IGSF5: variants seen among roughly 807,000 people sequenced by gnomAD.
The protein encoded by IGSF5 is immunoglobulin superfamily member 5.
Under a neutral mutation model 39.4 loss-of-function variants are expected in IGSF5, and 41 were observed. The observed-to-expected ratio is 1.04, with a 90% CI of 0.81 to 1.35. IGSF5 has a LOEUF of 1.35. Ranked by LOEUF, IGSF5 falls within the 40% of genes most tolerant of loss-of-function variation. The pLI is 0.00. For missense variants in IGSF5, 487 were observed against 494.6 expected, an observed-to-expected ratio of 0.98 and a Z score of 0.15; for synonymous variants, 183 against 175.3, an observed-to-expected ratio of 1.04 and a Z score of -0.34.
chr21:39,766,431 C>T (rs890356595), intron 3 of IGSF5, among the ~76,000 whole-genome samples: 1 of 152,156 alleles, frequency 6.6e-6, no homozygotes, highest in Non-Finnish European at 1.5e-5. Context: ...CTATATTTCT[C>T]TGCTTGCATC....
chr21:39,735,893 C>T, the IGSF5 span, among the ~76,000 whole-genome samples: 1 of 152,196 alleles, frequency 6.6e-6, no homozygotes, highest in African/African-American at 2.4e-5. Flanking sequence ...GCAGCTCAGG[C>T]CCTATTAAAT....
At chr21:39,760,758 G>A (rs917309586) in intron 2 of IGSF5, among the ~76,000 whole-genome samples, 1 of 152,132 alleles carries the variant, frequency 6.6e-6, no homozygotes, top group African/African-American at 2.4e-5. Context: ...TTTGAGTAGA[G>A]ACGGGGTTTC....
intron 4 of IGSF5, among the ~76,000 whole-genome samples, chr21:39,774,380 G>A (rs796135192): frequency 5.3e-5 from 8 of 152,256 alleles, no homozygotes; most frequent in African/African-American, 1.9e-4. Flanking sequence ...CAAAGCATTT[G>A]TTTTCATTTC....
intron 2 of IGSF5, among the ~76,000 whole-genome samples, chr21:39,758,727 T>C (rs752316478): frequency 3.3e-5 from 5 of 152,184 alleles, no homozygotes; most frequent in Admixed American, 1.3e-4. Flanking sequence ...ATACTATACA[T>C]AGGGGTGCTG....
At chr21:39,734,518 T>TA in the IGSF5 span, among the ~76,000 whole-genome samples, 3 of 150,958 alleles carry the variant, frequency 2.0e-5, no homozygotes, top group African/African-American at 4.9e-5. Context: ...TTTGTTGCCC[T>TA]AAAAAATCCT....
At chr21:39,759,659 G>T (rs9305679) in intron 2 of IGSF5, among the ~76,000 whole-genome samples, 59,320 of 151,820 alleles carry the variant, frequency 0.39, 11,902 homozygotes, top group Admixed American at 0.52. Context: ...GAGGTCAGGA[G>T]ATTGAGACCA....
chr21:39,716,820 C>A, the IGSF5 span, among the ~76,000 whole-genome samples: 3 of 152,086 alleles, frequency 2.0e-5, no homozygotes, highest in Admixed American at 6.6e-5. Context: ...TATGTGCATG[C>A]GTCTTTATGG....
At chr21:39,777,194 T>A (rs2080145751) in intron 4 of IGSF5, among the ~76,000 whole-genome samples, 1 of 152,192 alleles carries the variant, frequency 6.6e-6, no homozygotes, top group African/African-American at 2.4e-5. Flanking sequence ...GTGAAGATCA[T>A]GGATCCAACT....
chr21:39,757,857 G>T (rs1380572542), intron 2 of IGSF5, among the ~76,000 whole-genome samples: 2 of 152,160 alleles, frequency 1.3e-5, no homozygotes, highest in Admixed American at 6.5e-5. Context: ...AATTACAGGC[G>T]TGAGCCACCG....
intron 2 of IGSF5, among the ~76,000 whole-genome samples, chr21:39,756,648 T>G (rs769734266): frequency 6.6e-6 from 1 of 152,122 alleles, no homozygotes; most frequent in African/African-American, 2.4e-5. Flanking sequence ...TGTGGAGGAA[T>G]GTTTGCAATA....
At chr21:39,792,420 C>G (rs1174012609) in intron 7 of IGSF5, among the ~76,000 whole-genome samples, 2 of 151,970 alleles carry the variant, frequency 1.3e-5, no homozygotes, top group Non-Finnish European at 2.9e-5. Flanking sequence ...AGGAGATATA[C>G]CTAATGTAAA....
intron 3 of IGSF5, among the ~76,000 whole-genome samples, chr21:39,766,645 T>C (rs1433473422): frequency 6.6e-6 from 1 of 152,116 alleles, no homozygotes; most frequent in African/African-American, 2.4e-5. Context: ...TTAGAGGTAA[T>C]TTGGAGGTGC....
In IGSF5 at chr21:39,780,207, A is replaced by G. The variant is rs117570929; in HGVS notation, c.934+902A>G. 8.5e-5 allele frequency among the ~76,000 whole-genome samples: 13 copies of G among 152,350 alleles called. No individual in the cohort carries two copies. In the East Asian group the frequency reaches 2.5e-3, roughly 29 times the overall value. On this transcript the variant is annotated intron_variant, in intron 5 of 8. Coordinates refer to ENST00000380588, the MANE Select transcript of IGSF5 (RefSeq NM_001080444.2). ...GTCTGTGTGTTTTAATAAAGCTCAG[A>G]CAATAACAATAAAATAAAAACCACA... is the stretch of plus-strand genomic sequence containing the variant.
chr21:39,755,511 T>G, intron 2 of IGSF5, among the ~76,000 whole-genome samples: 1 of 148,864 alleles, frequency 6.7e-6, no homozygotes, highest in Non-Finnish European at 1.5e-5. Context: ...GGCATGAACC[T>G]GGGAGGTGGA....
intron 6 of IGSF5, among the ~76,000 whole-genome samples, chr21:39,790,671 C>G (rs1456573681): frequency 1.3e-5 from 2 of 152,038 alleles, no homozygotes; most frequent in African/African-American, 4.8e-5. Flanking sequence ...GAAACAACAA[C>G]AACAACGTCA....
chr21:39,729,678 C>T, the IGSF5 span: 3 of 152,172 alleles, frequency 2.0e-5, no homozygotes, highest in African/African-American at 7.2e-5. Context: ...GTCAGCAGGT[C>T]TTGGCCAGGA....
At chr21:39,768,472 A>G (rs950547827) in intron 3 of IGSF5, among the ~76,000 whole-genome samples, 3 of 152,328 alleles carry the variant, frequency 2.0e-5, no homozygotes, top group Non-Finnish European at 2.9e-5. Context: ...CCAGTGGGGG[A>G]AAGTGGAATC....
chr21:39,744,364 C>A (rs1052676866), upstream of IGSF5, among the ~76,000 whole-genome samples: 3 of 145,176 alleles, frequency 2.1e-5, no homozygotes, highest in Non-Finnish European at 4.6e-5. Flanking sequence ...GTGTAGCGAA[C>A]CTTTTGAGTC....
the IGSF5 span, chr21:39,727,648 G>A: frequency 6.6e-6 from 1 of 152,182 alleles, no homozygotes; most frequent in East Asian, 1.9e-4. Flanking sequence ...CATGGTCCCT[G>A]GTTAGCTGCA....
Sources: gnomAD v4.1 joint callset for allele counts (sites outside exome capture counted in the v4.1 genomes callset) on GRCh38, gnomAD v4.1.1 for gene constraint, MANE v1.5 for transcripts, NCBI Gene and HGNC (gene_info 2026-07-23, HGNC 2026-07-21) for gene names.